The following CPO variants were observed in gnomAD, a reference collection of about 807,000 sequenced individuals.
CPO encodes metallocarboxypeptidase C.
CPO carries 43 observed loss-of-function variants against 41.2 expected under a neutral mutation model. That is an observed-to-expected ratio of 1.04 (90% CI 0.82 to 1.35). CPO has a LOEUF of 1.35. CPO is among the 40% of genes most tolerant of loss of function. CPO has a pLI of 0.00. For missense variants in CPO, 408 were observed against 451.7 expected (o/e 0.90, Z 0.88); for synonymous variants, 178 against 162.7 (o/e 1.09, Z -0.72).
intron 4 of CPO, among the ~76,000 whole-genome samples, chr2:206,958,738 T>C (rs544148973): frequency 7.1e-6 from 1 of 141,506 alleles, no homozygotes; most frequent in Admixed American, 7.0e-5. Flanking sequence ...GTTTTTTTTT[T>C]TTTTTTTTTT....
chr2:206,966,257 G>C (rs1693574161), intron 7 of CPO, among the ~76,000 whole-genome samples: 1 of 151,232 alleles, frequency 6.6e-6, no homozygotes, highest in African/African-American at 2.4e-5. Context: ...AAAAAAGCAA[G>C]GAACCACTGG....
chr2:206,944,386 T>C (rs1355821464), intron 1 of CPO, among the ~76,000 whole-genome samples: 1 of 152,000 alleles, frequency 6.6e-6, no homozygotes, highest in Non-Finnish European at 1.5e-5. Flanking sequence ...AACATATTAC[T>C]TGCACCAGTA....
intron 3 of CPO, among the ~76,000 whole-genome samples, chr2:206,956,073 G>C (rs573088979): frequency 3.9e-4 from 59 of 152,218 alleles, no homozygotes; most frequent in Admixed American, 3.1e-3. Context: ...CAGCCAGGGG[G>C]ATAACCAGGT....
intron 1 of CPO, among the ~76,000 whole-genome samples, chr2:206,945,311 T>C (rs1428855591): frequency 1.3e-5 from 2 of 152,328 alleles, no homozygotes; most frequent in South Asian, 4.1e-4. Context: ...TACAAAAGTT[T>C]GTACCCCAAC....
intron 1 of CPO, among the ~76,000 whole-genome samples, chr2:206,949,320 T>A (rs1490848729): frequency 6.6e-6 from 1 of 152,226 alleles, no homozygotes; most frequent in Non-Finnish European, 1.5e-5. Flanking sequence ...TAGTTATTAT[T>A]TCATATACAA....
chr2:206,941,951 A>G, intron 1 of CPO, among the ~76,000 whole-genome samples: 1 of 152,100 alleles, frequency 6.6e-6, no homozygotes, highest in East Asian at 1.9e-4. Context: ...TCTTTGATCT[A>G]CTAATTCTTC....
At chr2:206,940,786 C>G (rs920215310) in intron 1 of CPO, among the ~76,000 whole-genome samples, 1 of 152,062 alleles carries the variant, frequency 6.6e-6, no homozygotes, top group Non-Finnish European at 1.5e-5. Context: ...TTGCAATGAA[C>G]TTGCTCTCAC....
chr2:206,968,292 A>G lies in CPO; in HGVS notation c.807A>G (p.Ala269=). 6.2e-7 allele frequency: 1 copy of G among 1,612,564 alleles called. No homozygotes were observed. Among genetic ancestry groups the G allele is most frequent in the Non-Finnish European group, 8.5e-7 (1 of 1,178,606 alleles). The part of the protein sequence containing the change: ...MIQVGQKAAN[A]LKAKYGTNYR... ...AAGTTGGACAGAAGGCAGCAAATGC[A>G]TTGAAAGCAAAGTATGGAACCAATT... Residue 269 remains alanine (A), a synonymous_variant, in exon 8 of 9, where the codon GCA becomes GCG. Coordinates refer to ENST00000272852, the MANE Select transcript of CPO (RefSeq NM_173077.3).
chr2:206,950,735 C>T (rs1229635291), intron 2 of CPO, among the ~76,000 whole-genome samples: 4 of 152,160 alleles, frequency 2.6e-5, no homozygotes, highest in Non-Finnish European at 5.9e-5. Flanking sequence ...CCATGGAATA[C>T]TATGCAGCCA....
intron 1 of CPO, among the ~76,000 whole-genome samples, 166 bp downstream of exon 1, chr2:206,939,833 A>G (rs1692996801): frequency 6.6e-6 from 1 of 152,160 alleles, no homozygotes; most frequent in Non-Finnish European, 1.5e-5. Context: ...CTGAATAATC[A>G]TAATCCTCTA....
intron 3 of CPO, 75 bp downstream of exon 3, chr2:206,955,639 T>C (rs376794310): frequency 1.1e-6 from 1 of 871,838 alleles, no homozygotes; most frequent in African/African-American, 1.6e-5. Flanking sequence ...TCAGGGACTC[T>C]AATCAGAAGT....
chr2:206,954,791 A>G (rs559204260), intron 2 of CPO, among the ~76,000 whole-genome samples: 3 of 152,302 alleles, frequency 2.0e-5, no homozygotes, highest in South Asian at 2.1e-4. Context: ...GGAAACTTAC[A>G]ATCATGGTGG....
At chr2:206,956,223 A>C (rs1170068574) in intron 3 of CPO, among the ~76,000 whole-genome samples, 1 of 152,020 alleles carries the variant, frequency 6.6e-6, no homozygotes, top group Non-Finnish European at 1.5e-5. Flanking sequence ...CATTAAAATC[A>C]CCAGAGAGCT....
chr2:206,957,580 G>T (rs1317204373), intron 3 of CPO, among the ~76,000 whole-genome samples: 1 of 152,082 alleles, frequency 6.6e-6, no homozygotes, highest in Non-Finnish European at 1.5e-5. Flanking sequence ...AATAGCCTTG[G>T]TCTAGGCTAT....
In CPO at chr2:206,960,858, C is replaced by G. The variant is rs1259483662; in HGVS notation, c.490C>G (p.Leu164Val). The G allele has an allele frequency of 1.2e-6, 2 of 1,612,210 alleles. No individual in the cohort carries two copies. Among genetic ancestry groups the G allele is most frequent in the Non-Finnish European group, 8.5e-7 (1 of 1,178,252 alleles). Residue 164 changes from leucine (L) to valine (V), a missense_variant, in exon 6 of 9, where the codon CTT (leucine) becomes GTT (valine). Physicochemically the swap from Leu to Val is conservative, Grantham distance 32. Transcript: ENST00000272852. ...GTATGTTCCTCTGCTACAGGATCGT[C>G]TTTGGAGGAAATCCCGTTCACCCCA... The part of the protein sequence containing the change: ...GYIYTWTTDR[L>V]WRKSRSPHNN...
chr2:206,957,385 A>G (rs1459304686), intron 3 of CPO, among the ~76,000 whole-genome samples: 1 of 152,130 alleles, frequency 6.6e-6, no homozygotes, highest in East Asian at 1.9e-4. Flanking sequence ...CAAAAAAAAA[A>G]AAAAAGAGAA....
chr2:206,969,101 TC>T, intron 8 of CPO, 72 bp from the exon 9 acceptor site: 1 of 1,458,884 alleles, frequency 6.9e-7, no homozygotes, highest in East Asian at 2.3e-5. Flanking sequence ...AACCTTTAGT[TC>T]CTGAAATGGC....
chr2:206,966,685 T>C (rs1428648286), intron 7 of CPO, among the ~76,000 whole-genome samples: 1 of 152,024 alleles, frequency 6.6e-6, no homozygotes, highest in African/African-American at 2.4e-5. Flanking sequence ...TTTTAGGAAG[T>C]GAGGGAGGTG....
Position 206,955,545 on chromosome 2 carries a change from AC to A in CPO, c.252del (p.Met85CysfsTer4). On this transcript the variant is annotated frameshift_variant, in exon 3 of 9. Coordinates refer to ENST00000272852, the MANE Select transcript of CPO (RefSeq NM_173077.3). LOFTEE classifies it high-confidence loss of function. Reference protein sequence around the residue: ...QHFLGVTYETHPMYYLKISQP... With the variant: ...QHFLGVTYETXPMYYLKISQP... ...TTCCTAGGAGTGACCTATGAGACCCACCCCATGTATTATCTGAAGGTGAGTG... is the reference window on the plus strand; with the variant it reads ...TTCCTAGGAGTGACCTATGAGACCCACCCATGTATTATCTGAAGGTGAGTG... 1.3e-6 allele frequency: 2 copies of A among 1,587,184 alleles called. No individual in the cohort carries two copies. Among genetic ancestry groups the A allele is most frequent in the Non-Finnish European group, 1.7e-6 (2 of 1,155,242 alleles).
Sources: gnomAD v4.1 joint callset for allele counts (sites outside exome capture counted in the v4.1 genomes callset) on GRCh38, gnomAD v4.1.1 for gene constraint, MANE v1.5 for transcripts, NCBI Gene and HGNC (gene_info 2026-07-23, HGNC 2026-07-21) for gene names.